The following TENM4 variants were observed in gnomAD, a reference collection of about 807,000 sequenced individuals.
TENM4 encodes teneurin-4.
TENM4 carries 82 observed loss-of-function variants against 243.3 expected under a neutral mutation model. That is an observed-to-expected ratio of 0.34 (90% confidence interval 0.28 to 0.40). TENM4 has a LOEUF of 0.40. Among genes scored for constraint, TENM4 ranks in the 10% least tolerant of loss-of-function variants. The pLI, the probability that TENM4 is intolerant of heterozygous loss-of-function variation, is 1.00. For missense variants in TENM4, 3,138 were observed against 3,673.3 expected (o/e 0.85, Z 3.77); for synonymous variants, 1,412 against 1,456.3 (o/e 0.97, Z 0.69).
chr11:79,140,227 G>A (rs1021151523), intron 4 of TENM4, among the ~76,000 whole-genome samples: 3 of 152,086 alleles, frequency 2.0e-5, no homozygotes, highest in Admixed American at 6.6e-5. Context: ...AGCAACCTCT[G>A]CTGTGTGGTT....
At chr11:79,316,407 T>C (rs1026929739) in intron 1 of TENM4, among the ~76,000 whole-genome samples, 8 of 152,090 alleles carry the variant, frequency 5.3e-5, no homozygotes, top group Admixed American at 2.6e-4. Context: ...GAATATCAAA[T>C]GATGGAAGGA....
intron 2 of TENM4, among the ~76,000 whole-genome samples, chr11:79,252,950 G>A (rs1290201933): frequency 6.6e-6 from 1 of 152,220 alleles, no homozygotes; most frequent in Non-Finnish European, 1.5e-5. Context: ...AATGCAGCAT[G>A]ATTGTGACAG....
chr11:78,706,998 G>A (rs777323110), intron 27 of TENM4, among the ~76,000 whole-genome samples: 1 of 152,136 alleles, frequency 6.6e-6, no homozygotes, highest in African/African-American at 2.4e-5. Context: ...CCCAGCATGC[G>A]ATGGGGAGGT....
intron 3 of TENM4, among the ~76,000 whole-genome samples, chr11:79,149,875 G>T (rs1490358804): frequency 2.6e-5 from 4 of 152,158 alleles, no homozygotes; most frequent in African/African-American, 9.7e-5. Flanking sequence ...CACAAGGAAA[G>T]ATCAAGGTAT....
At position 78,726,662 on chromosome 11, in the gene TENM4, C is replaced by G. The variant is rs115192066; in HGVS notation, c.3407-440G>C. Among the ~76,000 whole-genome samples the G allele has an allele frequency of 6.9e-3, 1,048 of 152,208 alleles. 16 individuals carry two copies. Among genetic ancestry groups the G allele is most frequent in the African/African-American group, 0.025 (1,019 of 41,518 alleles). On this transcript the variant is annotated intron_variant, in intron 22 of 33. Coordinates refer to ENST00000278550, the MANE Select transcript of TENM4 (RefSeq NM_001098816.3). ...ACCATCCTCTTGGTGCTGTTCTCAT[C>G]ATGGTGAGCGAGTTCTCCTGAGATC...
At chr11:79,120,487 C>T (rs1347491736) in intron 4 of TENM4, among the ~76,000 whole-genome samples, 4 of 152,188 alleles carry the variant, frequency 2.6e-5, no homozygotes, top group South Asian at 4.1e-4. Context: ...CAAAATCAGA[C>T]GTTTCTAACT....
At chr11:78,836,751 CTT>C (rs1245715953) in intron 12 of TENM4, among the ~76,000 whole-genome samples, 3 of 152,058 alleles carry the variant, frequency 2.0e-5, no homozygotes, top group African/African-American at 7.2e-5. Context: ...CATCTGGGGT[CTT>C]TTTTTTCCTC....
intron 29 of TENM4, 106 bp from the exon 30 acceptor site, chr11:78,676,493 T>A: frequency 2.4e-6 from 2 of 828,738 alleles, no homozygotes; most frequent in Non-Finnish European, 1.8e-6. Flanking sequence ...TTTTCCTAAC[T>A]ATGAAAGCAA....
Position 78,854,155 on chromosome 11 carries a change from A to G in TENM4, c.1630T>C (p.Tyr544His). 5 of 1,551,738 alleles carry G rather than the reference A, an allele frequency of 3.2e-6. No homozygotes were observed. The highest frequency in any genetic ancestry group is 4.4e-6 in the Non-Finnish European group (5 of 1,146,974). The part of the protein sequence containing the change: ...LDSGIWHLAF[Y>H]NDGKESEVVS... ...ACTTCTGACTCCTTTCCGTCATTGT[A>G]AAAAGCCAAGTGCCAGATTCCTGAA... The change falls in exon 12 of 34, where the codon TAC becomes CAC. Residue 544 changes from tyrosine (Y) to histidine (H), a missense_variant. By Grantham distance (83) the Tyr-to-His change is moderately conservative (BLOSUM62 2). Transcript: ENST00000278550.
intron 1 of TENM4, among the ~76,000 whole-genome samples, chr11:79,315,839 G>A (rs74339314): frequency 0.011 from 1,639 of 152,262 alleles, 32 homozygotes; most frequent in African/African-American, 0.037. Flanking sequence ...GAAATGCAAC[G>A]GAAAAGAATA....
chr11:79,136,290 A>G lies in TENM4; in HGVS notation c.-66+12420T>C, dbSNP rs1289663565. On this transcript the variant is annotated intron_variant, in intron 4 of 33. Transcript: ENST00000278550. ...CTGCATCCCATGTAAGTGCTCACCA[A>G]TGGGTGACCTCAGCAGAGGAGGATT... is the stretch of plus-strand genomic sequence containing the variant. Among the ~76,000 whole-genome samples, 4 of 152,280 alleles carry G rather than the reference A, an allele frequency of 2.6e-5. 1 individual carries two copies. Among genetic ancestry groups the G allele is most frequent in the South Asian group, 4.1e-4 (2 of 4,820 alleles).
chr11:79,235,561 T>G (rs1864449550), intron 2 of TENM4, among the ~76,000 whole-genome samples: 1 of 152,068 alleles, frequency 6.6e-6, no homozygotes, highest in African/African-American at 2.4e-5. Context: ...TAATGATTGA[T>G]CAAATGGAAC....
chr11:78,694,702 A>G (rs1414150199), intron 28 of TENM4, among the ~76,000 whole-genome samples: 3 of 152,182 alleles, frequency 2.0e-5, no homozygotes, highest in Admixed American at 6.5e-5. Flanking sequence ...CTCTCTGCCC[A>G]GAGCAGCTGA....
At chr11:78,967,676 G>T (rs1279737275) in intron 6 of TENM4, among the ~76,000 whole-genome samples, 4 of 152,212 alleles carry the variant, frequency 2.6e-5, no homozygotes, top group Non-Finnish European at 5.9e-5. Context: ...GGACTGGGGT[G>T]TAGGTGTGCC....
chr11:79,269,682 C>T (rs1320976377), intron 2 of TENM4: 1 of 152,324 alleles, frequency 6.6e-6, no homozygotes, highest in South Asian at 2.1e-4. Flanking sequence ...GTGCCCCTGG[C>T]TCCTTGCTGC....
intron 2 of TENM4, among the ~76,000 whole-genome samples, chr11:79,219,957 A>G (rs1864126217): frequency 6.6e-6 from 1 of 152,140 alleles, no homozygotes; most frequent in Admixed American, 6.5e-5. Context: ...GTAGCAGGAA[A>G]CCACCCTCCT....
chr11:79,327,995 A>G (rs1173727917), intron 1 of TENM4, among the ~76,000 whole-genome samples: 25 of 152,140 alleles, frequency 1.6e-4, no homozygotes, highest in Admixed American at 1.6e-3. Context: ...ACCTTAAGGG[A>G]CCCAAGGGTA....
chr11:78,943,131 G>A (rs1229259972), intron 6 of TENM4, among the ~76,000 whole-genome samples: 1 of 152,184 alleles, frequency 6.6e-6, no homozygotes, highest in African/African-American at 2.4e-5. Context: ...CTTAATGAAT[G>A]TGCACCTTTG....
At chr11:79,164,202 TAG>T (rs1162201080) in intron 3 of TENM4, among the ~76,000 whole-genome samples, 1 of 122,896 alleles carries the variant, frequency 8.1e-6, no homozygotes, top group African/African-American at 3.2e-5. Flanking sequence ...ATACTATATA[TAG>T]TGTATAGTAT....
Sources: gnomAD v4.1 joint callset for allele counts (sites outside exome capture counted in the v4.1 genomes callset) on GRCh38, gnomAD v4.1.1 for gene constraint, MANE v1.5 for transcripts, NCBI Gene and HGNC (gene_info 2026-07-23, HGNC 2026-07-21) for gene names.